Variants in RP1L1 observed in about 807,000 individuals in gnomAD.
The protein encoded by RP1L1 is retinitis pigmentosa 1-like 1 protein.
RP1L1 carries 27 observed loss-of-function variants against 15.7 expected under a neutral mutation model. That is an observed-to-expected ratio of 1.72 (90% CI 1.27 to 2.38). The LOEUF (loss-of-function observed/expected upper bound fraction) is 2.38, where lower values mean the gene tolerates loss of function less well. Ranked by LOEUF, RP1L1 falls within the 30% of genes most tolerant of loss-of-function variation. The pLI is 0.00. For missense variants in RP1L1, 4,798 were observed against 3,075.9 expected, an observed-to-expected ratio of 1.56 and a Z score of -13.24; for synonymous variants, 1,813 against 1,276.7, an observed-to-expected ratio of 1.42 and a Z score of -8.96.
rs761635023 is a variant in RP1L1 at position 10,611,716 on chromosome 8, T to C, written c.2382A>G (p.Glu794=). ...AGGGCTGAGGCGTGTCCCTGGCCTC[T>C]TCCCCCAGGCTGGCAGCCCCAGATT... The part of the protein sequence containing the change: ...CSKSGAASLG[E]EARDTPQPSS... Residue 794 remains glutamate, a synonymous_variant, in exon 4 of 4, where the codon GAA becomes GAG. Transcript: ENST00000382483. 1 of 1,613,536 alleles carries C rather than the reference T, an allele frequency of 6.2e-7. No homozygotes were observed. Among genetic ancestry groups the C allele is most frequent in the Non-Finnish European group, 8.5e-7 (1 of 1,179,962 alleles).
At chr8:10,629,915 C>A (rs1349335235) in intron 1 of RP1L1, among the ~76,000 whole-genome samples, 6 of 152,164 alleles carry the variant, frequency 3.9e-5, no homozygotes, top group Non-Finnish European at 1.5e-5. Context: ...CCACTTATCC[C>A]CTACTCCCGC....
intron 1 of RP1L1, among the ~76,000 whole-genome samples, chr8:10,630,575 T>C (rs556762267): frequency 8.5e-4 from 130 of 152,290 alleles, no homozygotes; most frequent in African/African-American, 2.9e-3. Flanking sequence ...TCCCAGCCCG[T>C]AGGGGAGCTG....
chr8:10,606,910 A>G lies in RP1L1; in HGVS notation c.7188T>C (p.Asp2396=), dbSNP rs367691958. 2.5e-6 allele frequency: 4 copies of G among 1,614,222 alleles called. No homozygotes were observed. The Admixed American group carries it at 5.0e-5, about 20-fold the overall frequency. ...AVGRADGFGQ[D]DLDF ...TTGATCTTGTCTAGAAATCTAAGTC[A>G]TCTTGGCCAAAGCCGTCTGCCCTGC... Residue 2396 remains aspartate, a synonymous_variant, in exon 4 of 4, where the codon GAT becomes GAC. Transcript: ENST00000382483.
chr8:10,614,098 C>G (rs1333058099), intron 3 of RP1L1, among the ~76,000 whole-genome samples: 2 of 152,172 alleles, frequency 1.3e-5, no homozygotes, highest in Non-Finnish European at 2.9e-5. Context: ...AGTGGCAGTG[C>G]CCAGATCTTG....
intron 1 of RP1L1, among the ~76,000 whole-genome samples, chr8:10,631,399 ACACACACG>A (rs1366729662): frequency 0.034 from 5,059 of 147,710 alleles, 135 homozygotes; most frequent in South Asian, 0.058. Flanking sequence ...ACACACACGC[ACACACACG>A]CACACACGCA....
At chr8:10,629,743 C>T (rs1483601892) in intron 1 of RP1L1, among the ~76,000 whole-genome samples, 3 of 152,138 alleles carry the variant, frequency 2.0e-5, no homozygotes, top group African/African-American at 7.2e-5. Flanking sequence ...CCACCCATGT[C>T]CCCAGCTCCT....
Position 10,616,482 on chromosome 8 carries a change from C to T in RP1L1, c.715G>A (p.Glu239Lys), listed in dbSNP as rs762854892. 5.6e-6 allele frequency: 9 copies of T among 1,614,124 alleles called. No homozygotes were observed. The highest frequency in any genetic ancestry group is 4.4e-5 in the South Asian group (4 of 91,088). The change falls in exon 3 of 4, where the codon GAA (glutamate) becomes AAA (lysine). Residue 239 changes from glutamate to lysine, a missense_variant. Coordinates refer to ENST00000382483, the MANE Select transcript of RP1L1 (RefSeq NM_178857.6). ...CTTGAAGTCAGCCCAGATAAAGTTT[C>T]AGCCTCGCTTCTCCTGGCATTTTTC... ...AMKNARRSEA[E>K]TLSGLTSRNK... is the part of the protein sequence containing the mutation.
intron 1 of RP1L1, among the ~76,000 whole-genome samples, chr8:10,629,254 C>A (rs1049219009): frequency 2.7e-5 from 4 of 150,542 alleles, no homozygotes; most frequent in African/African-American, 4.9e-5. Context: ...GAGGTAGCTG[C>A]CAAGGGTCTG....
intron 2 of RP1L1, chr8:10,621,656 G>A (rs1382776165): frequency 8.6e-6 from 4 of 466,092 alleles, no homozygotes; most frequent in Non-Finnish European, 4.3e-6. Flanking sequence ...TGGTGGAATG[G>A]TGCATACAGA....
intron 1 of RP1L1, among the ~76,000 whole-genome samples, chr8:10,635,645 T>G (rs1563137216): frequency 6.6e-6 from 1 of 152,248 alleles, no homozygotes; most frequent in African/African-American, 2.4e-5. Flanking sequence ...GCCTCCATTT[T>G]CTCTGCTCTT....
chr8:10,612,267 G>T lies in RP1L1; in HGVS notation c.1831C>A (p.Leu611Met), dbSNP rs1797876407. Residue 611 changes from leucine (L) to methionine (M), a missense_variant, in exon 4 of 4, where the codon CTG (leucine) becomes ATG (methionine). Coordinates refer to ENST00000382483, the MANE Select transcript of RP1L1 (RefSeq NM_178857.6). ...ATGAAVTREP[L>M]VLGLSCSWDS... is the part of the protein sequence containing the mutation. ...CAGGAGCAGGAAAGGCCCAGAACCA[G>T]AGGCTCCCTTGTCACAGCCGCTCCC... The T allele has an allele frequency of 1.2e-6, 2 of 1,613,248 alleles. No individual in the cohort carries two copies. Among genetic ancestry groups the T allele is most frequent in the East Asian group, 2.2e-5 (1 of 44,882 alleles).
intron 2 of RP1L1, chr8:10,621,492 A>AT (rs1798058085): frequency 6.3e-6 from 2 of 317,310 alleles, no homozygotes; most frequent in Non-Finnish European, 1.2e-5. Context: ...CACCTGGCTA[A>AT]TTTTTGTATT....
chr8:10,628,297 T>A (rs1023887664), intron 1 of RP1L1, among the ~76,000 whole-genome samples: 1 of 152,172 alleles, frequency 6.6e-6, no homozygotes, highest in African/African-American at 2.4e-5. Flanking sequence ...CTTGAGAAAT[T>A]ACCAAAGGCG....
In RP1L1 at chr8:10,609,267, G is replaced by A. The variant is rs199604262; in HGVS notation, c.4831C>T (p.Arg1611Trp). The change falls in exon 4 of 4, where the codon CGG becomes TGG. Residue 1611 changes from arginine to tryptophan, a missense_variant. Coordinates refer to ENST00000382483, the MANE Select transcript of RP1L1 (RefSeq NM_178857.6). Reference sequence around the variant, plus strand: ...AAGGCCGAGAGGTTTCGCAGGCCCCGGAGACGGTGTCTGCGCTGCTGGGTC... The same window carrying A: ...AAGGCCGAGAGGTTTCGCAGGCCCCAGAGACGGTGTCTGCGCTGCTGGGTC... ...LQTQQRRHRL[R>W]GLRNLSAFSE... 2.1e-5 allele frequency: 34 copies of A among 1,609,266 alleles called. 1 individual carries two copies. The South Asian group carries it at 2.6e-4, about 12-fold the overall frequency.
Position 10,612,891 on chromosome 8 carries a change from G to C in RP1L1, c.1207C>G (p.Pro403Ala). ...GGATTCGTCCAGATTTCATACTTGG[G>C]CCCTGGCTGCCCGCCTCGGCCAAAG... ...EVFGRGGQPG[P>A]KYEIWTNPLH... Residue 403 changes from proline to alanine, a missense_variant, in exon 4 of 4, where the codon CCC becomes GCC. Transcript: ENST00000382483. 1 of 1,612,732 alleles carries C rather than the reference G, an allele frequency of 6.2e-7. No homozygotes were observed. Among genetic ancestry groups the C allele is most frequent in the Non-Finnish European group, 8.5e-7 (1 of 1,179,858 alleles).
Position 10,611,783 on chromosome 8 carries a change from G to A in RP1L1, c.2315C>T (p.Ser772Leu), listed in dbSNP as rs759011494. The part of the protein sequence containing the change: ...WAGDAGSRTC[S>L]PAPIPPHTSD... ...TGTGTGGGGAGGTATGGGGGCCGGC[G>A]AGCATGTCCTGGACCCCGCGTCCCC... The change falls in exon 4 of 4, where the codon TCG becomes TTG. Residue 772 changes from serine to leucine, a missense_variant. By Grantham distance (145) the Ser-to-Leu change is moderately radical. Transcript: ENST00000382483. 2.0e-5 allele frequency: 33 copies of A among 1,613,530 alleles called. No homozygotes were observed. Among genetic ancestry groups the A allele is most frequent in the Non-Finnish European group, 2.6e-5 (31 of 1,180,030 alleles).
chr8:10,631,722 G>A (rs1585990048), intron 1 of RP1L1, among the ~76,000 whole-genome samples: 1 of 152,214 alleles, frequency 6.6e-6, no homozygotes, highest in African/African-American at 2.4e-5. Context: ...CTCTCTGCCA[G>A]TGCCGCCCGA....
Position 10,622,939 on chromosome 8 carries a change from T to G in RP1L1, c.263A>C (p.His88Pro). The G allele has an allele frequency of 6.2e-7, 1 of 1,614,072 alleles. No individual in the cohort carries two copies. The highest frequency in any genetic ancestry group is 8.5e-7 in the Non-Finnish European group (1 of 1,179,980). ...CAGCTGCTCCAGGGCGCTGAGGCTA[T>G]GCAGGCCCCGGGGTGTGGTGACAGA... ...VRSVTTPRGL[H>P]SLSALEQLED... is the part of the protein sequence containing the mutation. Residue 88 changes from histidine (H) to proline (P), a missense_variant, in exon 2 of 4, where the codon CAT (histidine) becomes CCT (proline). Coordinates refer to ENST00000382483, the MANE Select transcript of RP1L1 (RefSeq NM_178857.6).
chr8:10,631,419 A>ATGCGCG (rs1798250611), intron 1 of RP1L1, among the ~76,000 whole-genome samples: 1 of 149,996 alleles, frequency 6.7e-6, no homozygotes, highest in Admixed American at 6.6e-5. Context: ...ACACACGCAC[A>ATGCGCG]CACACATGCG....
Sources: gnomAD v4.1 joint callset for allele counts (sites outside exome capture counted in the v4.1 genomes callset) on GRCh38, gnomAD v4.1.1 for gene constraint, MANE v1.5 for transcripts, NCBI Gene and HGNC (gene_info 2026-07-23, HGNC 2026-07-21) for gene names.